Variants in B4GALT6 observed in about 807,000 individuals in gnomAD.
B4GALT6 encodes the protein beta-1,4-galactosyltransferase 6.
A neutral mutation model predicts 46.3 loss-of-function variants in B4GALT6; 14 were observed. The observed-to-expected ratio is 0.30, with a 90% CI of 0.20 to 0.47. The LOEUF is 0.47. Among genes scored for constraint, B4GALT6 ranks in the 20% least tolerant of loss-of-function variants. The probability of loss-of-function intolerance (pLI) is 0.99; values close to 1 mark genes in which losing one functional copy is unlikely to be tolerated. For missense variants in B4GALT6, 386 were observed against 480.1 expected, an observed-to-expected ratio of 0.80 and a Z score of 1.83; for synonymous variants, 168 against 162.0, an observed-to-expected ratio of 1.04 and a Z score of -0.28.
the B4GALT6 span, among the ~76,000 whole-genome samples, chr18:31,692,643 C>T: frequency 1.3e-5 from 2 of 152,146 alleles, no homozygotes; most frequent in African/African-American, 4.8e-5. Context: ...GTAGAATCAT[C>T]TCCATTCAAA....
chr18:31,659,539 A>T (rs905557635), intron 2 of B4GALT6, among the ~76,000 whole-genome samples: 1 of 152,208 alleles, frequency 6.6e-6, no homozygotes. Flanking sequence ...AAGCCACAAG[A>T]GAAGGTCCAA....
At chr18:31,649,351 A>G (rs1181229850) in intron 3 of B4GALT6, among the ~76,000 whole-genome samples, 5 of 152,206 alleles carry the variant, frequency 3.3e-5, no homozygotes, top group African/African-American at 1.2e-4. Flanking sequence ...TGCCAAGGGC[A>G]ATGCCTGGAC....
chr18:31,695,097 A>C, the B4GALT6 span, among the ~76,000 whole-genome samples: 1 of 152,170 alleles, frequency 6.6e-6, no homozygotes, highest in African/African-American at 2.4e-5. Flanking sequence ...ACAAATCATT[A>C]AAATAAAGCA....
At chr18:31,697,269 C>T in the B4GALT6 span, among the ~76,000 whole-genome samples, 15 of 151,922 alleles carry the variant, frequency 9.9e-5, no homozygotes, top group East Asian at 5.8e-4. Flanking sequence ...CTGTCTCCCC[C>T]ACCCTGAAAA....
chr18:31,710,744 A>G, the B4GALT6 span, among the ~76,000 whole-genome samples: 1 of 151,900 alleles, frequency 6.6e-6, no homozygotes, highest in Admixed American at 6.6e-5. Flanking sequence ...TGGCAGCCCC[A>G]GAAAAACTAA....
chr18:31,667,638 G>GA lies in B4GALT6; in HGVS notation c.116-1267dup, dbSNP rs943602984. ...AAATAAAACTTTTCTTTCACCTCCA[G>GA]AAAAAAGAGACAAACAGAAATCCAG... On this transcript the variant is annotated intron_variant, in intron 1 of 8. Coordinates refer to ENST00000306851, the MANE Select transcript of B4GALT6 (RefSeq NM_004775.5). 2.6e-5 allele frequency among the ~76,000 whole-genome samples: 4 copies of GA among 152,108 alleles called. No individual in the cohort carries two copies. The South Asian group carries it at 8.3e-4, about 32-fold the overall frequency.
At chr18:31,670,522 A>T (rs149303298) in intron 1 of B4GALT6, among the ~76,000 whole-genome samples, 1 of 152,326 alleles carries the variant, frequency 6.6e-6, no homozygotes, top group African/African-American at 2.4e-5. Context: ...ATTGAGTTAC[A>T]TTCCTCAGGT....
upstream of B4GALT6, chr18:31,686,266 A>G (rs2029917614): frequency 1.3e-5 from 2 of 152,150 alleles, no homozygotes; most frequent in Non-Finnish European, 2.9e-5. Context: ...GTACGTTTTT[A>G]TCGGGATGCG....
At chr18:31,661,042 G>T (rs535650726) in intron 2 of B4GALT6, among the ~76,000 whole-genome samples, 1 of 152,112 alleles carries the variant, frequency 6.6e-6, no homozygotes, top group Non-Finnish European at 1.5e-5. Context: ...GAAAATCAGC[G>T]ATAGATTAAG....
the B4GALT6 span, among the ~76,000 whole-genome samples, chr18:31,705,293 C>G: frequency 2.0e-5 from 3 of 152,148 alleles, no homozygotes; most frequent in African/African-American, 4.8e-5. Context: ...AAGGAGAGTA[C>G]CACATGTGCT....
chr18:31,689,326 G>C (rs2030031080), upstream of B4GALT6, among the ~76,000 whole-genome samples: 1 of 152,136 alleles, frequency 6.6e-6, no homozygotes, highest in Non-Finnish European at 1.5e-5. Flanking sequence ...AAAACTATGG[G>C]GGTGGAAGGT....
At chr18:31,714,754 G>A in the B4GALT6 span, among the ~76,000 whole-genome samples, 1 of 152,200 alleles carries the variant, frequency 6.6e-6, no homozygotes, top group Admixed American at 6.5e-5. Flanking sequence ...AGGGGAGATG[G>A]TGAAGCAGGG....
chr18:31,644,379 T>C (rs1303923120), intron 4 of B4GALT6, among the ~76,000 whole-genome samples: 1 of 152,180 alleles, frequency 6.6e-6, no homozygotes, highest in Non-Finnish European at 1.5e-5. Context: ...TCATGGTAGA[T>C]GAAGTCAGAG....
chr18:31,704,593 C>G, the B4GALT6 span, among the ~76,000 whole-genome samples: 1 of 152,150 alleles, frequency 6.6e-6, no homozygotes, highest in African/African-American at 2.4e-5. Context: ...CTGACAAACA[C>G]TCAGGTATTT....
At chr18:31,719,932 T>C in the B4GALT6 span, among the ~76,000 whole-genome samples, 2 of 152,152 alleles carry the variant, frequency 1.3e-5, no homozygotes, top group South Asian at 2.1e-4. Flanking sequence ...CCAGGAGCAA[T>C]GTGGGGAGGT....
At chr18:31,652,559 G>A (rs1025112138) in intron 3 of B4GALT6, among the ~76,000 whole-genome samples, 3 of 152,110 alleles carry the variant, frequency 2.0e-5, no homozygotes, top group Non-Finnish European at 2.9e-5. Flanking sequence ...CTGATGTTCA[G>A]TCCGGATCTC....
the B4GALT6 span, among the ~76,000 whole-genome samples, chr18:31,716,064 C>G: frequency 3.3e-5 from 5 of 152,122 alleles, no homozygotes; most frequent in African/African-American, 1.2e-4. Flanking sequence ...GACCCAAACT[C>G]AGGTCTTCTG....
At chr18:31,682,183 A>G (rs996340451) in intron 1 of B4GALT6, among the ~76,000 whole-genome samples, 5 of 152,218 alleles carry the variant, frequency 3.3e-5, no homozygotes, top group Non-Finnish European at 5.9e-5. Context: ...TGAGCCTGAC[A>G]CTTCAAGAAA....
intron 8 of B4GALT6, 115 bp downstream of exon 8, chr18:31,626,168 T>C: frequency 1.8e-6 from 1 of 570,636 alleles, no homozygotes; most frequent in South Asian, 3.4e-5. Flanking sequence ...ATACTTCCCT[T>C]CCATTATGAA....
Sources: gnomAD v4.1 joint callset for allele counts (sites outside exome capture counted in the v4.1 genomes callset) on GRCh38, gnomAD v4.1.1 for gene constraint, MANE v1.5 for transcripts, NCBI Gene and HGNC (gene_info 2026-07-23, HGNC 2026-07-21) for gene names.